The following PCDHA9 variants were observed in gnomAD, a reference collection of about 807,000 sequenced individuals.
PCDHA9 encodes protocadherin alpha-9.
PCDHA9 carries 62 observed loss-of-function variants against 62.0 expected under a neutral mutation model. The ratio of observed to expected loss-of-function variants is 1.00; its 90% CI spans 0.81 to 1.23. The LOEUF is 1.23. Among genes scored for constraint, PCDHA9 ranks in the 50% most tolerant of loss-of-function variants. The pLI is 0.00. For synonymous variants in PCDHA9, 557 were observed against 567.6 expected, an observed-to-expected ratio of 0.98 and a Z score of 0.27; for missense variants, 1,205 against 1,249.8, an observed-to-expected ratio of 0.96 and a Z score of 0.54.
intron 1 of PCDHA9, among the ~76,000 whole-genome samples, chr5:140,960,274 C>A (rs1291069063): frequency 6.6e-6 from 1 of 152,130 alleles, no homozygotes. Context: ...ATTCCGTCAC[C>A]TTTTTGGGAC....
At chr5:141,002,948 C>A (rs2098104348) in intron 3 of PCDHA9, among the ~76,000 whole-genome samples, 1 of 152,152 alleles carries the variant, frequency 6.6e-6, no homozygotes, top group African/African-American at 2.4e-5. Flanking sequence ...CAGCACATGC[C>A]CCTCTGAGAG....
chr5:140,854,536 A>G (rs930055548), intron 1 of PCDHA9: 6 of 150,026 alleles, frequency 4.0e-5, no homozygotes, highest in African/African-American at 1.5e-4. Context: ...CATTTCTGTC[A>G]GTTTTCTTAT....
intron 1 of PCDHA9, among the ~76,000 whole-genome samples, chr5:140,977,356 T>C (rs1563455891): frequency 6.6e-6 from 1 of 152,250 alleles, no homozygotes; most frequent in African/African-American, 2.4e-5. Flanking sequence ...GACTGATTGA[T>C]AAAAAGTATT....
In PCDHA9 at chr5:140,883,441, G is replaced by A. The variant is rs782063932; in HGVS notation, c.2394+32552G>A. 3.1e-6 allele frequency: 5 copies of A among 1,614,130 alleles called. No homozygotes were observed. In the African/African-American group the frequency reaches 4.0e-5, roughly 13 times the overall value. Reference sequence around the variant, plus strand: ...GACAGGTCACCTGCACCTTGACGCCGCATGTCCCCTTCAAGCTGGTGTCCA... The same window carrying A: ...GACAGGTCACCTGCACCTTGACGCCACATGTCCCCTTCAAGCTGGTGTCCA... On this transcript the variant is annotated intron_variant, in intron 1 of 3. Transcript: ENST00000532602.
intron 1 of PCDHA9, chr5:140,869,568 G>C (rs1554163237): frequency 6.2e-7 from 1 of 1,614,168 alleles, no homozygotes; most frequent in East Asian, 2.2e-5. Context: ...TTCCACTAGA[G>C]GGAGCTTCTG....
intron 1 of PCDHA9, chr5:140,966,896 C>G (rs910624863): frequency 6.3e-6 from 10 of 1,596,816 alleles, no homozygotes; most frequent in Non-Finnish European, 8.5e-6. Flanking sequence ...GGCCTCCCAG[C>G]TGCGATACTC....
At chr5:140,992,950 C>T (rs1435932636) in intron 3 of PCDHA9, among the ~76,000 whole-genome samples, 1 of 152,216 alleles carries the variant, frequency 6.6e-6, no homozygotes, top group East Asian at 1.9e-4. Context: ...GAGATTAAAT[C>T]ACCCCTTATA....
chr5:140,851,095 T>C, intron 1 of PCDHA9: 1 of 1,289,772 alleles, frequency 7.8e-7, no homozygotes, highest in East Asian at 2.7e-5. Context: ...TAAATAGATA[T>C]TTTTTGGGTG....
chr5:140,868,908 C>A, intron 1 of PCDHA9: 1 of 882,186 alleles, frequency 1.1e-6, no homozygotes, highest in Non-Finnish European at 1.7e-6. Context: ...TCGCTCTTTA[C>A]TTGGTGGAAA....
chr5:140,985,590 T>C (rs1049609959), intron 3 of PCDHA9, among the ~76,000 whole-genome samples: 5 of 152,166 alleles, frequency 3.3e-5, no homozygotes, highest in African/African-American at 1.2e-4. Flanking sequence ...TCCTTATACT[T>C]GCTTCAGAGC....
At chr5:140,860,617 A>G (rs2046479685) in intron 1 of PCDHA9, 1 of 152,238 alleles carries the variant, frequency 6.6e-6, no homozygotes, top group Non-Finnish European at 1.5e-5. Context: ...GAGAAACATA[A>G]ACATATGCAG....
At chr5:140,884,577 T>C (rs2060274481) in intron 1 of PCDHA9, 2 of 1,614,230 alleles carry the variant, frequency 1.2e-6, no homozygotes, top group East Asian at 4.5e-5. Context: ...ACGGACCTCA[T>C]GGCCTTCAGT....
chr5:140,998,596 C>G (rs1301065712), intron 3 of PCDHA9, among the ~76,000 whole-genome samples: 1 of 148,578 alleles, frequency 6.7e-6, no homozygotes, highest in Non-Finnish European at 1.5e-5. Flanking sequence ...CAGAGTTTTG[C>G]TCTTGTTGCC....
chr5:140,935,894 CT>C (rs55841305), intron 1 of PCDHA9, among the ~76,000 whole-genome samples: 1,605 of 136,716 alleles, frequency 0.012, 14 homozygotes, highest in Non-Finnish European at 0.016. Context: ...TCAATATTAT[CT>C]TTTTTTTTTT....
chr5:140,912,530 A>C (rs2075961098), intron 1 of PCDHA9, among the ~76,000 whole-genome samples: 2 of 152,178 alleles, frequency 1.3e-5, no homozygotes, highest in East Asian at 1.9e-4. Context: ...TTCAGAGTAC[A>C]TGATCATATT....
At chr5:140,930,209 T>C (rs752393887) in intron 1 of PCDHA9, 4 of 152,266 alleles carry the variant, frequency 2.6e-5, no homozygotes, top group Non-Finnish European at 5.9e-5. Flanking sequence ...GAAATATTTA[T>C]GTGTTCAAAG....
chr5:140,877,006 G>T, intron 1 of PCDHA9: 2 of 1,612,484 alleles, frequency 1.2e-6, no homozygotes, highest in Non-Finnish European at 1.7e-6. Context: ...GTCGGTGCAC[G>T]CGGAGAGCGG....
chr5:140,870,608 C>A (rs1408684171), intron 1 of PCDHA9: 1 of 1,613,106 alleles, frequency 6.2e-7, no homozygotes, highest in African/African-American at 1.3e-5. Flanking sequence ...GGCGACCGCG[C>A]GCTGTCGAGC....
intron 1 of PCDHA9, chr5:140,882,412 C>A: frequency 6.2e-7 from 1 of 1,614,138 alleles, no homozygotes; most frequent in Non-Finnish European, 8.5e-7. Context: ...TGGGCCGCAT[C>A]GCTCAGGACC....
Sources: gnomAD v4.1 joint callset for allele counts (sites outside exome capture counted in the v4.1 genomes callset) on GRCh38, gnomAD v4.1.1 for gene constraint, MANE v1.5 for transcripts, NCBI Gene and HGNC (gene_info 2026-07-23, HGNC 2026-07-21) for gene names.